The following ALPL variants were observed in gnomAD, a reference collection of about 807,000 sequenced individuals.
ALPL encodes alkaline phosphatase, biomineralization associated.
In ALPL, 42 loss-of-function variants were observed where a neutral mutation model predicts 51.3. The ratio of observed to expected loss-of-function variants is 0.82; its 90% confidence interval spans 0.64 to 1.06. ALPL has a LOEUF of 1.06. Among genes scored for constraint, ALPL ranks in the 50% least tolerant of loss-of-function variants. ALPL has a pLI of 0.00. For synonymous variants in ALPL, 279 were observed against 296.4 expected (o/e 0.94, Z 0.60); for missense variants, 589 against 709.4 (o/e 0.83, Z 1.93).
At chr1:21,573,390 TC>T in intron 8 of ALPL, among the ~76,000 whole-genome samples, 1 of 145,552 alleles carries the variant, frequency 6.9e-6, no homozygotes. Flanking sequence ...GGAGCCGAGA[TC>T]GCACCACTGC....
At chr1:21,511,651 C>T (rs1558522866) in intron 1 of ALPL, among the ~76,000 whole-genome samples, 2 of 152,192 alleles carry the variant, frequency 1.3e-5, no homozygotes, top group South Asian at 2.1e-4. Context: ...CACCTTCTGT[C>T]GCCATCCTAA....
At chr1:21,573,584 T>G in intron 8 of ALPL, 81 bp from the exon 9 acceptor site, 6 of 1,567,506 alleles carry the variant, frequency 3.8e-6, no homozygotes, top group South Asian at 1.2e-5. Flanking sequence ...CTGCATTCCC[T>G]GAGACACCCC....
chr1:21,530,403 G>A (rs1191434253), intron 1 of ALPL, among the ~76,000 whole-genome samples: 5 of 152,136 alleles, frequency 3.3e-5, no homozygotes, highest in African/African-American at 1.2e-4. Flanking sequence ...TACTCCGTGG[G>A]GGATTTCAGC....
intron 1 of ALPL, among the ~76,000 whole-genome samples, chr1:21,529,115 A>T (rs1558531454): frequency 6.6e-6 from 1 of 151,884 alleles, no homozygotes; most frequent in South Asian, 2.1e-4. Context: ...TTCTTTGCCT[A>T]CCCCAAAGTC....
chr1:21,551,719 GTTTTTTT>G (rs397861981), intron 1 of ALPL, among the ~76,000 whole-genome samples: 12 of 61,440 alleles, frequency 2.0e-4, no homozygotes, highest in African/African-American at 6.2e-4. Context: ...AGCTTGCGTG[GTTTTTTT>G]TTTTTTTTTT....
intron 1 of ALPL, among the ~76,000 whole-genome samples, chr1:21,524,474 C>T (rs1643916452): frequency 6.6e-6 from 1 of 151,036 alleles, no homozygotes; most frequent in Non-Finnish European, 1.5e-5. Flanking sequence ...CCAGCCTGGG[C>T]AACATAGCAA....
In ALPL at chr1:21,561,182, G is replaced by C. The variant is rs771240396; in HGVS notation, c.267G>C (p.Met89Ile). 6.2e-7 allele frequency: 1 copy of C among 1,613,204 alleles called. No homozygotes were observed. The highest frequency in any genetic ancestry group is 2.2e-5 in the East Asian group (1 of 44,834). The change falls in exon 4 of 12, where the codon ATG becomes ATC. Residue 89 changes from methionine (M) to isoleucine (I), a missense_variant. Transcript: ENST00000374840. ...HNPGEETRLE[M>I]DKFPFVALSK... ...CTGGGGAGGAGACCAGGCTGGAGATGGACAAGTTCCCCTTCGTGGCCCTCT... is the reference window on the plus strand; with the variant it reads ...CTGGGGAGGAGACCAGGCTGGAGATCGACAAGTTCCCCTTCGTGGCCCTCT...
chr1:21,511,258 C>T (rs1020125575), intron 1 of ALPL, among the ~76,000 whole-genome samples: 3 of 152,176 alleles, frequency 2.0e-5, no homozygotes, highest in Non-Finnish European at 4.4e-5. Context: ...GAGATTAAGA[C>T]GCAATCACCT....
intron 10 of ALPL, 102 bp from the exon 11 acceptor site, chr1:21,576,420 A>C (rs1644737791): frequency 6.7e-7 from 1 of 1,499,972 alleles, no homozygotes; most frequent in Admixed American, 2.0e-5. Context: ...CCTTCAAAGA[A>C]GATCCCAGGG....
chr1:21,571,036 G>A (rs1176485425), intron 8 of ALPL, among the ~76,000 whole-genome samples: 2 of 152,218 alleles, frequency 1.3e-5, no homozygotes, highest in Non-Finnish European at 2.9e-5. Context: ...GGGTCCTCCA[G>A]ACACATGCAC....
chr1:21,563,549 G>T (rs1558549270), intron 5 of ALPL, among the ~76,000 whole-genome samples: 2 of 152,178 alleles, frequency 1.3e-5, no homozygotes, highest in African/African-American at 4.8e-5. Flanking sequence ...TGGGAACGTA[G>T]CCCCCTCATA....
At chr1:21,535,704 G>T (rs556574061) in intron 1 of ALPL, among the ~76,000 whole-genome samples, 94 of 152,274 alleles carry the variant, frequency 6.2e-4, no homozygotes, top group African/African-American at 2.2e-3. Flanking sequence ...GGAAGCTCAT[G>T]ACACTTAGCT....
intron 2 of ALPL, among the ~76,000 whole-genome samples, chr1:21,557,922 C>T (rs1477311635): frequency 2.0e-5 from 3 of 152,210 alleles, no homozygotes; most frequent in Non-Finnish European, 2.9e-5. Flanking sequence ...AGGAGATGCC[C>T]AGGCTTACAT....
chr1:21,533,782 G>C (rs1468228601), intron 1 of ALPL, among the ~76,000 whole-genome samples: 2 of 152,076 alleles, frequency 1.3e-5, no homozygotes. Flanking sequence ...AATTAGCCAG[G>C]TGTGGTCGTG....
rs1188506084 is a variant in ALPL at position 21,563,180 on chromosome 1, C to A, written c.368C>A (p.Ala123Asp). 1.2e-6 allele frequency: 2 copies of A among 1,613,972 alleles called. No homozygotes were observed. Among genetic ancestry groups the A allele is most frequent in the Non-Finnish European group, 1.7e-6 (2 of 1,180,032 alleles). Residue 123 changes from alanine to aspartate, a missense_variant, in exon 5 of 12, where the codon GCC (alanine) becomes GAC (aspartate). Coordinates refer to ENST00000374840, the MANE Select transcript of ALPL (RefSeq NM_000478.6). ...TATAYLCGVK[A>D]NEGTVGVSAA... ...ACCGCCTACCTGTGTGGGGTGAAGG[C>A]CAATGAGGGCACCGTGGGGGTAAGC...
At chr1:21,557,983 C>T (rs2148145714) in intron 2 of ALPL, among the ~76,000 whole-genome samples, 1 of 152,308 alleles carries the variant, frequency 6.6e-6, no homozygotes, top group Middle Eastern at 3.4e-3. Context: ...TAAATGGAAT[C>T]ATATAGTATG....
intron 6 of ALPL, among the ~76,000 whole-genome samples, chr1:21,567,236 CG>C (rs888804693): frequency 6.6e-6 from 1 of 152,210 alleles, no homozygotes; most frequent in Non-Finnish European, 1.5e-5. Context: ...GGCAGTGGCC[CG>C]GGCTGGCACC....
intron 1 of ALPL, among the ~76,000 whole-genome samples, chr1:21,543,827 G>T (rs1644221092): frequency 6.6e-6 from 1 of 152,182 alleles, no homozygotes; most frequent in Non-Finnish European, 1.5e-5. Flanking sequence ...TGTGAGTCCT[G>T]CCAGGTACAA....
At chr1:21,553,852 A>C in intron 1 of ALPL, 126 bp from the exon 2 acceptor site, 1 of 568,646 alleles carries the variant, frequency 1.8e-6, no homozygotes, top group Admixed American at 2.6e-5. Context: ...GTTGAGCCCC[A>C]TGCCTGGTCT....
Sources: gnomAD v4.1 joint callset for allele counts (sites outside exome capture counted in the v4.1 genomes callset) on GRCh38, gnomAD v4.1.1 for gene constraint, MANE v1.5 for transcripts, NCBI Gene and HGNC (gene_info 2026-07-23, HGNC 2026-07-21) for gene names.